GAB1: variants seen among roughly 807,000 people sequenced by gnomAD.
GAB1 encodes the protein GRB2-associated-binding protein 1.
In GAB1, 19 loss-of-function variants were observed where a neutral mutation model predicts 66.5. The ratio of observed to expected loss-of-function variants is 0.29; its 90% CI spans 0.20 to 0.42. GAB1 has a LOEUF of 0.42. Ranked by LOEUF, GAB1 falls within the 10% of genes least tolerant of loss-of-function variation. The pLI is 1.00. For synonymous variants in GAB1, 294 were observed against 301.4 expected (o/e 0.98, Z 0.25); for missense variants, 732 against 858.5 (o/e 0.85, Z 1.84).
In GAB1 at chr4:143,438,252, G is replaced by A; in HGVS notation, c.847G>A (p.Glu283Lys). ...VSPSSTEADG[E>K]LYVFNTPSGT... ...TCCATCAAGTACTGAAGCAGATGGA[G>A]AACTCTATGTTTTTAATACCCCATC... Residue 283 changes from glutamate (E) to lysine (K), a missense_variant, in exon 4 of 10, where the codon GAA becomes AAA. Physicochemically the swap from Glu to Lys is moderately conservative, Grantham distance 56. Coordinates refer to ENST00000262994, the MANE Select transcript of GAB1 (RefSeq NM_002039.4). 6.2e-7 allele frequency: 1 copy of A among 1,614,084 alleles called. No individual in the cohort carries two copies. Among genetic ancestry groups the A allele is most frequent in the Non-Finnish European group, 8.5e-7 (1 of 1,180,008 alleles).
intron 8 of GAB1, among the ~76,000 whole-genome samples, chr4:143,464,240 A>G (rs949319359): frequency 6.6e-6 from 1 of 151,926 alleles, no homozygotes. Context: ...TTGATTTTTT[A>G]ATTTTTTCAG....
At position 143,470,186 on chromosome 4, in the gene GAB1, CTA is replaced by C. The variant is rs1736009317; in HGVS notation, c.*999_*1000del. The C allele has an allele frequency of 2.6e-5, 4 of 152,242 alleles. No homozygotes were observed. Among genetic ancestry groups the C allele is most frequent in the South Asian group, 4.1e-4 (2 of 4,832 alleles). 9.4% of individuals were successfully genotyped at this position (152,242 alleles called of 1,614,324 possible). ...TAGATAGTAATTCAGATTTATTACT[CTA>C]TGAAATTCTGTCTTTTGACACCATA... On this transcript the variant is annotated 3_prime_UTR_variant, in exon 10 of 10. Coordinates refer to ENST00000262994, the MANE Select transcript of GAB1 (RefSeq NM_002039.4).
intron 1 of GAB1, chr4:143,350,205 G>C (rs755242511): frequency 2.3e-5 from 14 of 612,994 alleles, no homozygotes; most frequent in African/African-American, 3.7e-5. Context: ...TGGGCCCCAA[G>C]CACTGTGCCT....
intron 2 of GAB1, among the ~76,000 whole-genome samples, chr4:143,417,722 A>G (rs1247489663): frequency 6.6e-6 from 1 of 152,144 alleles, no homozygotes; most frequent in Non-Finnish European, 1.5e-5. Context: ...GCACTTTTTA[A>G]TAGCTGGCTG....
At chr4:143,426,565 TAAAAC>T (rs1225863954) in intron 2 of GAB1, among the ~76,000 whole-genome samples, 2 of 151,970 alleles carry the variant, frequency 1.3e-5, no homozygotes, top group Admixed American at 6.6e-5. Context: ...AAATAAATAA[TAAAAC>T]AAACAGAGCG....
intron 6 of GAB1, among the ~76,000 whole-genome samples, chr4:143,454,387 G>C (rs1578743216): frequency 6.6e-6 from 1 of 152,214 alleles, no homozygotes; most frequent in African/African-American, 2.4e-5. Context: ...TATTTGGGAA[G>C]CAAGAATTGC....
At chr4:143,398,401 T>TGTC (rs28925871) in intron 1 of GAB1, among the ~76,000 whole-genome samples, 1,571 of 152,334 alleles carry the variant, frequency 0.01, 16 homozygotes, top group African/African-American at 0.035. Context: ...GGAAGTTTTA[T>TGTC]ATGTTCAAGT....
chr4:143,423,275 T>G (rs1382246796), intron 2 of GAB1, among the ~76,000 whole-genome samples: 3 of 152,222 alleles, frequency 2.0e-5, no homozygotes, highest in Non-Finnish European at 4.4e-5. Context: ...CTCTTCCCTT[T>G]TAAAGTCCTT....
chr4:143,387,545 A>G (rs1411236615), intron 1 of GAB1, among the ~76,000 whole-genome samples: 2 of 152,246 alleles, frequency 1.3e-5, no homozygotes, highest in Non-Finnish European at 2.9e-5. Flanking sequence ...GTGAGCTTCC[A>G]TCTTTAAAGT....
intron 1 of GAB1, among the ~76,000 whole-genome samples, chr4:143,381,507 T>G (rs1364314834): frequency 6.6e-6 from 1 of 152,206 alleles, no homozygotes; most frequent in African/African-American, 2.4e-5. Flanking sequence ...AACTCTGTGC[T>G]CTTGAAATGT....
At chr4:143,392,356 T>A (rs1029228744) in intron 1 of GAB1, among the ~76,000 whole-genome samples, 7 of 152,248 alleles carry the variant, frequency 4.6e-5, no homozygotes, top group African/African-American at 1.7e-4. Flanking sequence ...AATTGAAGTA[T>A]ATGATGTGGT....
chr4:143,405,837 A>T (rs1028807317), intron 1 of GAB1, among the ~76,000 whole-genome samples: 6 of 152,160 alleles, frequency 3.9e-5, no homozygotes, highest in South Asian at 2.1e-4. Context: ...GAATTTGCAG[A>T]AAGAAAGGTG....
chr4:143,435,860 T>C, intron 3 of GAB1, among the ~76,000 whole-genome samples: 1 of 152,226 alleles, frequency 6.6e-6, no homozygotes. Flanking sequence ...CTAGGAAGCA[T>C]TCCTCTCAAA....
rs1733702668 is a variant in GAB1 at position 143,432,362 on chromosome 4, A to G, written c.368-1129A>G. On this transcript the variant is annotated intron_variant, in intron 2 of 9. Coordinates refer to ENST00000262994, the MANE Select transcript of GAB1 (RefSeq NM_002039.4). ...CACATTCGGGCACCAAAAATGATGC[A>G]GAATTTTGTTCCTTAGTTCAGCTAA... is the stretch of plus-strand genomic sequence containing the variant. Among the ~76,000 whole-genome samples, 4 of 152,244 alleles carry G rather than the reference A, an allele frequency of 2.6e-5. No homozygotes were observed. The South Asian group carries it at 8.3e-4, about 32-fold the overall frequency.
intron 2 of GAB1, chr4:143,424,920 A>C (rs1578694569): frequency 3.7e-6 from 2 of 542,930 alleles, no homozygotes; most frequent in Non-Finnish European, 6.6e-6. Context: ...GTTTCACTGC[A>C]CTCCAGCCTG....
At chr4:143,404,061 C>T (rs1731916625) in intron 1 of GAB1, among the ~76,000 whole-genome samples, 1 of 152,106 alleles carries the variant, frequency 6.6e-6, no homozygotes, top group African/African-American at 2.4e-5. Context: ...CTTAATATAG[C>T]AGTGTTTTAT....
In GAB1 at chr4:143,372,007, T is replaced by C. The variant is rs962123596; in HGVS notation, c.72+34747T>C. ...TCAGCATCTAGTTTAATGTATTCAATTATGGAGAGCAAAATTTTACATTAT... is the reference window on the plus strand; with the variant it reads ...TCAGCATCTAGTTTAATGTATTCAACTATGGAGAGCAAAATTTTACATTAT... On this transcript the variant is annotated intron_variant, in intron 1 of 9. Coordinates refer to ENST00000262994, the MANE Select transcript of GAB1 (RefSeq NM_002039.4). Among the ~76,000 whole-genome samples the C allele has an allele frequency of 2.0e-5, 3 of 152,182 alleles. 1 individual carries two copies. The highest frequency in any genetic ancestry group is 4.4e-5 in the Non-Finnish European group (3 of 68,028).
Position 143,470,975 on chromosome 4 carries a change from T to G in GAB1, c.*1786T>G, listed in dbSNP as rs973720972. ...GGATTTTTAAATAAAAAAGATTGATTGAGTTTGGTGTGCAAGCTGTTTTAT... is the reference window on the plus strand; with the variant it reads ...GGATTTTTAAATAAAAAAGATTGATGGAGTTTGGTGTGCAAGCTGTTTTAT... On this transcript the variant is annotated 3_prime_UTR_variant, in exon 10 of 10. Transcript: ENST00000262994. 2.6e-5 allele frequency: 4 copies of G among 152,204 alleles called. No homozygotes were observed. 9.4% of individuals were successfully genotyped at this position (152,204 alleles called of 1,614,324 possible).
intron 1 of GAB1, among the ~76,000 whole-genome samples, chr4:143,399,055 T>G (rs144886761): frequency 7.2e-4 from 110 of 152,354 alleles, no homozygotes; most frequent in African/African-American, 2.3e-3. Context: ...ATTGTGTCTT[T>G]TACTTTACCT....
Sources: gnomAD v4.1 joint callset for allele counts (sites outside exome capture counted in the v4.1 genomes callset) on GRCh38, gnomAD v4.1.1 for gene constraint, MANE v1.5 for transcripts, NCBI Gene and HGNC (gene_info 2026-07-23, HGNC 2026-07-21) for gene names.